Variants in DYM observed in about 807,000 individuals in gnomAD.
The protein encoded by DYM is dymeclin.
In DYM, 78 loss-of-function variants were observed where a neutral mutation model predicts 93.1. The observed-to-expected ratio is 0.84, with a 90% confidence interval of 0.70 to 1.01. DYM has a LOEUF of 1.01. Ranked by LOEUF, DYM falls within the 50% of genes least tolerant of loss-of-function variation. The pLI is 0.00. For synonymous variants in DYM, 321 were observed against 319.7 expected (o/e 1.00, Z -0.04); for missense variants, 789 against 845.0 (o/e 0.93, Z 0.82).
intron 1 of DYM, among the ~76,000 whole-genome samples, chr18:49,457,718 T>C (rs548261046): frequency 6.6e-6 from 1 of 152,344 alleles, no homozygotes; most frequent in Non-Finnish European, 1.5e-5. Flanking sequence ...GCTCTGATTA[T>C]GTTGCTGGGA....
intron 14 of DYM, among the ~76,000 whole-genome samples, chr18:49,169,163 G>T (rs2088314181): frequency 6.6e-6 from 1 of 152,342 alleles, no homozygotes; most frequent in Non-Finnish European, 1.5e-5. Context: ...CCTCCCCAGA[G>T]GGCGCAGTCA....
At position 49,044,122 on chromosome 18, in the gene DYM, T is replaced by C. The variant is rs771418522; in HGVS notation, c.2108A>G (p.Tyr703Cys). The C allele has an allele frequency of 9.3e-6, 15 of 1,614,064 alleles. No homozygotes were observed. The highest frequency in any genetic ancestry group is 1.7e-4 in the Middle Eastern group (1 of 6,056). ...CCAGTACAGGCCGACTGCTGAGTTG[T>C]AGACAAGAGACCAGACATAGGGGAT... is the stretch of plus-strand genomic sequence containing the variant. ...FFIPYVWSLV[Y>C]NSAVGLYWNP... The change falls in exon 18 of 18, where the codon TAC (tyrosine) becomes TGC (cysteine). Residue 703 changes from tyrosine (Y) to cysteine (C), a missense_variant. Tyr to Cys is a radical substitution (Grantham distance 194). This residue lies in a region of DYM where 114 missense variants were observed against 105.8 expected (regional missense o/e 1.08). Coordinates refer to ENST00000675505, the MANE Select transcript of DYM (RefSeq NM_001353214.3).
At chr18:49,140,332 CAT>C (rs2084343474) in intron 15 of DYM, among the ~76,000 whole-genome samples, 1 of 152,090 alleles carries the variant, frequency 6.6e-6, no homozygotes, top group Non-Finnish European at 1.5e-5. Flanking sequence ...AGCAGAAACA[CAT>C]TTATACATAC....
At chr18:49,080,754 T>TG (rs2077890360) in intron 17 of DYM, among the ~76,000 whole-genome samples, 1 of 111,956 alleles carries the variant, frequency 8.9e-6, no homozygotes, top group African/African-American at 3.6e-5. Context: ...ACGGGGCAGC[T>TG]CCGGGCGGAG....
At chr18:49,426,755 ATGTGTGTGTG>A (rs59381977) in intron 2 of DYM, among the ~76,000 whole-genome samples, 71,065 of 147,600 alleles carry the variant, frequency 0.48, 18,016 homozygotes, top group Non-Finnish European at 0.56. Flanking sequence ...ACTGGAAAAC[ATGTGTGTGTG>A]TGTGTGTGTG....
intron 15 of DYM, among the ~76,000 whole-genome samples, chr18:49,141,150 T>C (rs1437293789): frequency 1.3e-5 from 2 of 152,158 alleles, no homozygotes; most frequent in African/African-American, 4.8e-5. Flanking sequence ...TTGCCATGAC[T>C]CCGAACATTT....
At chr18:49,392,133 G>A (rs1357197601) in intron 2 of DYM, among the ~76,000 whole-genome samples, 1 of 152,008 alleles carries the variant, frequency 6.6e-6, no homozygotes, top group African/African-American at 2.4e-5. Flanking sequence ...ATGTTTTGGT[G>A]GTTTATAAAT....
chr18:49,175,481 C>T (rs376893772), intron 14 of DYM, among the ~76,000 whole-genome samples: 35 of 152,218 alleles, frequency 2.3e-4, no homozygotes, highest in African/African-American at 4.3e-4. Flanking sequence ...GTAAACTGCC[C>T]GTTCATTCAC....
chr18:49,102,675 T>C (rs1390165995), intron 16 of DYM, among the ~76,000 whole-genome samples: 4 of 152,208 alleles, frequency 2.6e-5, no homozygotes, highest in Non-Finnish European at 5.9e-5. Flanking sequence ...TTTGGTTTTT[T>C]TGTCCTTGCG....
At chr18:49,358,137 G>A (rs1016594487) in intron 6 of DYM, among the ~76,000 whole-genome samples, 2 of 152,082 alleles carry the variant, frequency 1.3e-5, no homozygotes, top group African/African-American at 4.8e-5. Context: ...GTGACAGAGT[G>A]GGAATCCCAT....
chr18:49,292,351 G>C (rs867572004), intron 8 of DYM, among the ~76,000 whole-genome samples: 2,941 of 105,986 alleles, frequency 0.028, 52 homozygotes, highest in African/African-American at 0.058. Flanking sequence ...CAGACAGACA[G>C]ACAGACACAC....
intron 14 of DYM, among the ~76,000 whole-genome samples, chr18:49,183,596 A>G (rs1006830693): frequency 6.6e-6 from 1 of 152,140 alleles, no homozygotes; most frequent in Non-Finnish European, 1.5e-5. Context: ...TATTTCACTA[A>G]ATATTAAGTT....
intron 3 of DYM, among the ~76,000 whole-genome samples, chr18:49,381,168 A>AT (rs1219591414): frequency 6.6e-6 from 1 of 151,934 alleles, no homozygotes; most frequent in African/African-American, 2.4e-5. Context: ...AGCTAATTGT[A>AT]TTTTTTGTAG....
intron 8 of DYM, among the ~76,000 whole-genome samples, chr18:49,296,843 T>A (rs2060596413): frequency 6.6e-6 from 1 of 152,210 alleles, no homozygotes; most frequent in Non-Finnish European, 1.5e-5. Context: ...GCACACTGGC[T>A]ATATCTCCTA....
intron 13 of DYM, among the ~76,000 whole-genome samples, chr18:49,211,372 G>A (rs900693559): frequency 6.6e-6 from 1 of 152,110 alleles, no homozygotes; most frequent in Non-Finnish European, 1.5e-5. Flanking sequence ...AGAGAGAAGA[G>A]AATGTAAAAT....
chr18:49,344,297 T>A (rs991053114), intron 6 of DYM, among the ~76,000 whole-genome samples: 6 of 152,054 alleles, frequency 3.9e-5, no homozygotes, highest in African/African-American at 1.4e-4. Context: ...TTCCCTCACA[T>A]CTCCTAAGTC....
chr18:49,117,697 T>C (rs1427025961), intron 16 of DYM, among the ~76,000 whole-genome samples: 2 of 152,188 alleles, frequency 1.3e-5, no homozygotes, highest in African/African-American at 4.8e-5. Flanking sequence ...CATTCTCAAA[T>C]CTGCTCTTTC....
chr18:49,427,984 A>G (rs1410289317), intron 2 of DYM, among the ~76,000 whole-genome samples: 1 of 152,124 alleles, frequency 6.6e-6, no homozygotes, highest in Non-Finnish European at 1.5e-5. Context: ...CCAGCTACTC[A>G]GGAAGGTGAA....
chr18:49,214,447 C>T (rs2092934954), intron 13 of DYM, among the ~76,000 whole-genome samples: 1 of 152,068 alleles, frequency 6.6e-6, no homozygotes, highest in East Asian at 1.9e-4. Context: ...CCCTGTTCTG[C>T]CCCTGTCCGT....
Sources: allele counts gnomAD v4.1 joint callset (sites outside exome capture counted in the v4.1 genomes callset), GRCh38; gene constraint gnomAD v4.1.1; regional missense constraint gnomAD v4.1.1; transcripts MANE v1.5; gene names NCBI Gene and HGNC (gene_info 2026-07-23, HGNC 2026-07-21).